SBF2: variants seen among roughly 807,000 people sequenced by gnomAD.
SBF2 encodes the protein myotubularin-related protein 13.
Under a neutral mutation model 225.2 loss-of-function variants are expected in SBF2, and 112 were observed. That is an observed-to-expected ratio of 0.50 (90% confidence interval 0.43 to 0.58). SBF2 has a LOEUF of 0.58. Ranked by LOEUF, SBF2 falls within the 20% of genes least tolerant of loss-of-function variation. The pLI is 0.00. For missense variants in SBF2, 1,996 were observed against 2,206.2 expected (o/e 0.90, Z 1.91); for synonymous variants, 763 against 773.3 (o/e 0.99, Z 0.22).
intron 17 of SBF2, among the ~76,000 whole-genome samples, chr11:9,882,904 C>T (rs765603317): frequency 5.3e-5 from 8 of 151,304 alleles, no homozygotes; most frequent in Non-Finnish European, 1.2e-4. Flanking sequence ...AATAAAATAT[C>T]GTTTAATTCA....
At chr11:9,794,394 G>A (rs879353378) in intron 33 of SBF2, among the ~76,000 whole-genome samples, 5 of 152,054 alleles carry the variant, frequency 3.3e-5, no homozygotes, top group African/African-American at 1.2e-4. Context: ...ACCAGGCCTG[G>A]CCAGGCGTGG....
intron 17 of SBF2, among the ~76,000 whole-genome samples, chr11:9,868,464 ACTGAG>A (rs1858434449): frequency 6.6e-6 from 1 of 151,640 alleles, no homozygotes; most frequent in African/African-American, 2.4e-5. Context: ...CTTGCAGTGA[ACTGAG>A]ATTGCGCCAC....
At chr11:10,167,023 T>C (rs1446758207) in intron 2 of SBF2, among the ~76,000 whole-genome samples, 1 of 151,426 alleles carries the variant, frequency 6.6e-6, no homozygotes, top group Non-Finnish European at 1.5e-5. Context: ...CAGTACCAGT[T>C]AAGCAACTGC....
At chr11:10,263,378 G>T (rs1031228800) in intron 1 of SBF2, among the ~76,000 whole-genome samples, 1 of 152,024 alleles carries the variant, frequency 6.6e-6, no homozygotes. Flanking sequence ...AATGCTGGAA[G>T]AAACCACACT....
chr11:9,841,988 G>A (rs534596618), intron 25 of SBF2, among the ~76,000 whole-genome samples: 6 of 152,290 alleles, frequency 3.9e-5, no homozygotes, highest in Non-Finnish European at 8.8e-5. Context: ...GGGAAAAAAA[G>A]GGTGTAATGG....
At position 9,830,634 on chromosome 11, in the gene SBF2, G is replaced by A. The variant is rs1855331800; in HGVS notation, c.3653-1138C>T. 2.6e-5 allele frequency among the ~76,000 whole-genome samples: 4 copies of A among 151,942 alleles called. No homozygotes were observed. The South Asian group carries it at 8.3e-4, about 32-fold the overall frequency. On this transcript the variant is annotated intron_variant, in intron 27 of 39. Coordinates refer to ENST00000256190, the MANE Select transcript of SBF2 (RefSeq NM_030962.4). ...GGGCGCCTGTAATCCCAGCTACTCG[G>A]GAGGCTGAGGCAGGAGAATCGCTTG... is the stretch of plus-strand genomic sequence containing the variant.
intron 28 of SBF2, among the ~76,000 whole-genome samples, chr11:9,826,239 G>A (rs1855052995): frequency 6.6e-6 from 1 of 152,160 alleles, no homozygotes; most frequent in Non-Finnish European, 1.5e-5. Flanking sequence ...TCTCCACATG[G>A]GTTAACCTAG....
intron 2 of SBF2, among the ~76,000 whole-genome samples, chr11:10,101,445 C>A (rs1347964806): frequency 2.0e-5 from 3 of 152,162 alleles, no homozygotes; most frequent in East Asian, 1.9e-4. Context: ...AATTGAGAAT[C>A]TTTTGCCAAT....
At chr11:9,897,399 G>C (rs112489109) in intron 16 of SBF2, among the ~76,000 whole-genome samples, 1,975 of 152,104 alleles carry the variant, frequency 0.013, 34 homozygotes, top group African/African-American at 0.044. Flanking sequence ...CACCACACTC[G>C]GCTAATTTTT....
intron 1 of SBF2, among the ~76,000 whole-genome samples, chr11:10,238,277 C>T (rs1196389283): frequency 6.6e-5 from 10 of 152,000 alleles, no homozygotes; most frequent in Admixed American, 6.5e-5. Context: ...GGTGTGGTGG[C>T]GCACACCGGC....
At chr11:10,207,895 T>C (rs1197226410) in intron 1 of SBF2, among the ~76,000 whole-genome samples, 1 of 152,128 alleles carries the variant, frequency 6.6e-6, no homozygotes, top group Non-Finnish European at 1.5e-5. Flanking sequence ...ATGATATCCA[T>C]TTCCCTTAAC....
chr11:9,976,761 G>A (rs556219199), intron 13 of SBF2, among the ~76,000 whole-genome samples: 12 of 150,370 alleles, frequency 8.0e-5, no homozygotes, highest in African/African-American at 3.0e-4. Flanking sequence ...CTTTTTTTTT[G>A]TTGTTGTTGT....
At chr11:10,223,246 T>C (rs935247042) in intron 1 of SBF2, among the ~76,000 whole-genome samples, 2 of 151,228 alleles carry the variant, frequency 1.3e-5, no homozygotes, top group East Asian at 1.9e-4. Flanking sequence ...CTTCTAAATA[T>C]ACAGATGACC....
chr11:9,783,261 GAACATA>G (rs1852153962), intron 38 of SBF2, among the ~76,000 whole-genome samples: 1 of 152,092 alleles, frequency 6.6e-6, no homozygotes, highest in South Asian at 2.1e-4. Context: ...TTGTATATTT[GAACATA>G]AATTATCTAT....
intron 20 of SBF2, among the ~76,000 whole-genome samples, chr11:9,853,247 C>T (rs1038147191): frequency 7.9e-5 from 12 of 152,114 alleles, no homozygotes; most frequent in African/African-American, 2.7e-4. Context: ...CCAGGGGAAA[C>T]AGGAGTTACT....
intron 37 of SBF2, 67 bp from the exon 38 acceptor site, chr11:9,784,505 GAT>G: frequency 8.2e-7 from 1 of 1,225,186 alleles, no homozygotes; most frequent in Non-Finnish European, 1.2e-6. Flanking sequence ...AAGGGGAGGG[GAT>G]ATCTGTTGTT....
chr11:10,128,800 T>C (rs775556853), intron 2 of SBF2, among the ~76,000 whole-genome samples: 3 of 152,214 alleles, frequency 2.0e-5, no homozygotes, highest in African/African-American at 4.8e-5. Flanking sequence ...ATTTAGAAAG[T>C]TGCAAACATT....
At position 9,797,820 on chromosome 11, in the gene SBF2, A is replaced by G. The variant is rs554974471; in HGVS notation, c.4444-1863T>C. Among the ~76,000 whole-genome samples the G allele has an allele frequency of 4.6e-5, 7 of 152,294 alleles. No homozygotes were observed. In the East Asian group the frequency reaches 1.4e-3, roughly 29 times the overall value. ...CTTTTCTCTACAAAAATTAAAACAA[A>G]CAATTAGCCAGGTGTGGTGGCACGT... On this transcript the variant is annotated intron_variant, in intron 32 of 39. Transcript: ENST00000256190.
intron 2 of SBF2, among the ~76,000 whole-genome samples, chr11:10,094,840 ATG>A (rs1951950652): frequency 1.3e-5 from 2 of 151,796 alleles, no homozygotes; most frequent in African/African-American, 2.4e-5. Flanking sequence ...TTAATATCAT[ATG>A]ATTTTTGGGT....
Sources: allele counts gnomAD v4.1 joint callset (sites outside exome capture counted in the v4.1 genomes callset), GRCh38; gene constraint gnomAD v4.1.1; transcripts MANE v1.5; gene names NCBI Gene and HGNC (gene_info 2026-07-23, HGNC 2026-07-21).